The following GABRG3 variants were observed in gnomAD, a reference collection of about 807,000 sequenced individuals.
GABRG3 encodes the protein gamma-aminobutyric acid type A receptor subunit gamma3.
A neutral mutation model predicts 48.8 loss-of-function variants in GABRG3; 25 were observed. The ratio of observed to expected loss-of-function variants is 0.51; its 90% CI spans 0.37 to 0.72. The LOEUF is 0.72. Among genes scored for constraint, GABRG3 ranks in the 30% least tolerant of loss-of-function variants. The pLI is 0.00. For missense variants in GABRG3, 394 were observed against 577.9 expected (o/e 0.68, Z 3.26); for synonymous variants, 227 against 217.6 (o/e 1.04, Z -0.38).
chr15:27,192,370 C>T (rs1181915187), intron 3 of GABRG3, among the ~76,000 whole-genome samples: 2 of 152,176 alleles, frequency 1.3e-5, no homozygotes, highest in African/African-American at 2.4e-5. Context: ...ACCAATCAGA[C>T]GTAGATTTGG....
At chr15:27,441,696 C>T (rs920525818) in intron 5 of GABRG3, among the ~76,000 whole-genome samples, 2 of 152,138 alleles carry the variant, frequency 1.3e-5, no homozygotes, top group African/African-American at 4.8e-5. Flanking sequence ...GCAGGACAGG[C>T]CAGCCAGGGC....
intron 3 of GABRG3, among the ~76,000 whole-genome samples, chr15:27,067,117 C>T (rs961346826): frequency 1.3e-5 from 2 of 152,194 alleles, no homozygotes; most frequent in African/African-American, 4.8e-5. Context: ...GCGGCTGCAC[C>T]TTTGCCGTGG....
In GABRG3 at chr15:27,208,942, G is replaced by T. The variant is rs144434452; in HGVS notation, c.271-117867G>T. On this transcript the variant is annotated intron_variant, in intron 3 of 9. Transcript: ENST00000615808. Reference sequence around the variant, plus strand: ...ATATAATTTCACATTTGTATACAAAGAAACTGAAGAAAAAAGAGAGCAAGA... The same window carrying T: ...ATATAATTTCACATTTGTATACAAATAAACTGAAGAAAAAAGAGAGCAAGA... 4.4e-3 allele frequency among the ~76,000 whole-genome samples: 669 copies of T among 152,236 alleles called. 6 individuals are homozygous for T. Among genetic ancestry groups the T allele is most frequent in the African/African-American group, 0.015 (633 of 41,538 alleles).
chr15:27,103,698 C>T (rs1393799588), intron 3 of GABRG3, among the ~76,000 whole-genome samples: 1 of 152,106 alleles, frequency 6.6e-6, no homozygotes, highest in African/African-American at 2.4e-5. Context: ...ATGAATTTGC[C>T]TTTCCATTCC....
chr15:27,377,225 A>G (rs1895625216), intron 5 of GABRG3, among the ~76,000 whole-genome samples: 1 of 152,210 alleles, frequency 6.6e-6, no homozygotes, highest in Admixed American at 6.5e-5. Flanking sequence ...CATTTTTGTC[A>G]AAGCTATTCA....
chr15:27,488,723 C>G (rs1393211753), intron 6 of GABRG3, among the ~76,000 whole-genome samples: 2 of 152,042 alleles, frequency 1.3e-5, no homozygotes, highest in Non-Finnish European at 2.9e-5. Flanking sequence ...AAATATATCC[C>G]TTTGCAAATA....
intron 5 of GABRG3, among the ~76,000 whole-genome samples, chr15:27,404,736 A>G (rs1398830117): frequency 6.6e-6 from 1 of 152,150 alleles, no homozygotes; most frequent in Non-Finnish European, 1.5e-5. Context: ...GGCCACATGT[A>G]TCTTCTCTGA....
intron 5 of GABRG3, among the ~76,000 whole-genome samples, chr15:27,343,608 G>A (rs182525360): frequency 2.0e-3 from 305 of 152,268 alleles, no homozygotes; most frequent in Admixed American, 0.017. Context: ...AATCATTTGC[G>A]TTAATAGCTT....
At chr15:27,011,083 TCTCGAACTCCTGAC>T (rs938802027) in intron 2 of GABRG3, among the ~76,000 whole-genome samples, 1 of 152,044 alleles carries the variant, frequency 6.6e-6, no homozygotes, top group African/African-American at 2.4e-5. Flanking sequence ...AACTGGCTGG[TCTCGAACTCCTGAC>T]CTCAAGTGAT....
chr15:27,300,754 G>A (rs1486343703), intron 3 of GABRG3, among the ~76,000 whole-genome samples: 2 of 148,752 alleles, frequency 1.3e-5, no homozygotes, highest in Non-Finnish European at 3.0e-5. Flanking sequence ...CAAAGAAATT[G>A]AGATTAAGAA....
chr15:27,220,755 C>T (rs1057015262), intron 3 of GABRG3, among the ~76,000 whole-genome samples: 1 of 152,112 alleles, frequency 6.6e-6, no homozygotes, highest in Non-Finnish European at 1.5e-5. Context: ...TCTCTGGGGT[C>T]ACTGGGTGCC....
chr15:27,153,381 A>G (rs1200557928), intron 3 of GABRG3, among the ~76,000 whole-genome samples: 3 of 152,162 alleles, frequency 2.0e-5, no homozygotes, highest in Admixed American at 6.5e-5. Context: ...ATATCACACA[A>G]TGTTGGTTAC....
At chr15:27,250,550 C>T (rs942380150) in intron 3 of GABRG3, among the ~76,000 whole-genome samples, 2 of 152,134 alleles carry the variant, frequency 1.3e-5, no homozygotes, top group Non-Finnish European at 2.9e-5. Flanking sequence ...CCTCAGCCTC[C>T]CTAGTAGCTG....
chr15:27,317,979 A>T (rs1413275944), intron 3 of GABRG3, among the ~76,000 whole-genome samples: 1 of 152,192 alleles, frequency 6.6e-6, no homozygotes, highest in African/African-American at 2.4e-5. Flanking sequence ...GCCATTGTTG[A>T]TAGGATAAAG....
intron 3 of GABRG3, among the ~76,000 whole-genome samples, chr15:27,138,608 CT>C (rs1166301622): frequency 1.3e-5 from 2 of 152,342 alleles, no homozygotes; most frequent in Non-Finnish European, 2.9e-5. Context: ...GAGTGCCCCC[CT>C]GGATGCCTTC....
intron 3 of GABRG3, among the ~76,000 whole-genome samples, chr15:27,257,568 C>T (rs1412844898): frequency 3.3e-5 from 5 of 152,146 alleles, no homozygotes; most frequent in African/African-American, 1.2e-4. Context: ...GTATAAGGGT[C>T]CATCTAGTTT....
Position 27,457,983 on chromosome 15 carries a change from CTGCTTT to C in GABRG3, c.575-22664_575-22659del, listed in dbSNP as rs1889333456. 6.6e-6 allele frequency among the ~76,000 whole-genome samples: 1 copy of C among 152,288 alleles called. No individual in the cohort carries two copies. The highest frequency in any genetic ancestry group is 1.9e-4 in the East Asian group (1 of 5,170). ...GGAGGCAGAAACAGCCTGTGACCATCTGCTTTTGTCGTGAACTCCTTGGACGGTGCA... is the reference window on the plus strand; with the variant it reads ...GGAGGCAGAAACAGCCTGTGACCATCTGTCGTGAACTCCTTGGACGGTGCA... On this transcript the variant is annotated intron_variant, in intron 5 of 9. Transcript: ENST00000615808. The surrounding 1 kb of genome is among the most constrained non-coding windows in gnomAD (Gnocchi z 4.4).
At chr15:27,023,895 G>A (rs1177946444) in intron 2 of GABRG3, among the ~76,000 whole-genome samples, 1 of 152,094 alleles carries the variant, frequency 6.6e-6, no homozygotes, top group South Asian at 2.1e-4. Context: ...TCCACAGTGG[G>A]TATATCATTT....
chr15:27,321,274 A>G (rs754151952), intron 3 of GABRG3, among the ~76,000 whole-genome samples: 1 of 152,230 alleles, frequency 6.6e-6, no homozygotes, highest in Non-Finnish European at 1.5e-5. Context: ...AATCTAGCAC[A>G]GTGCCCCGCA....
Sources: gnomAD v4.1 joint callset for allele counts (sites outside exome capture counted in the v4.1 genomes callset) on GRCh38, gnomAD v4.1.1 for gene constraint, Gnocchi (gnomAD v3.1) non-coding constraint, MANE v1.5 for transcripts, NCBI Gene and HGNC (gene_info 2026-07-23, HGNC 2026-07-21) for gene names.